QTMAN: variants seen among roughly 807,000 people sequenced by gnomAD.
The protein encoded by QTMAN is queuosine-tRNA mannosyltransferase, also known as tRNA-queuosine alpha-mannosyltransferase.
At chr2:144,241,692 T>C in the QTMAN span, among the ~76,000 whole-genome samples, 1 of 152,200 alleles carries the variant, frequency 6.6e-6, no homozygotes, top group Non-Finnish European at 1.5e-5. Flanking sequence ...TTTCTTTCTG[T>C]CCATCTTTCT....
At chr2:144,189,536 G>A in the QTMAN span, among the ~76,000 whole-genome samples, 23 of 152,226 alleles carry the variant, frequency 1.5e-4, no homozygotes, top group African/African-American at 5.5e-4. Flanking sequence ...CTGGGCAATT[G>A]GTCGCTTTTA....
chr2:144,097,602 T>C, the QTMAN span, among the ~76,000 whole-genome samples: 1 of 152,180 alleles, frequency 6.6e-6, no homozygotes, highest in East Asian at 1.9e-4. Context: ...CTTGATGTCA[T>C]ACACATGTGC....
At chr2:143,971,256 C>A in the QTMAN span, among the ~76,000 whole-genome samples, 2 of 151,920 alleles carry the variant, frequency 1.3e-5, no homozygotes, top group African/African-American at 2.4e-5. Flanking sequence ...TTTGTGCCCA[C>A]AAGGAACGCA....
At chr2:144,059,101 C>T in the QTMAN span, among the ~76,000 whole-genome samples, 6 of 152,332 alleles carry the variant, frequency 3.9e-5, no homozygotes, top group African/African-American at 1.4e-4. Flanking sequence ...CCCTCAGATT[C>T]TGGCCTCTGA....
chr2:144,145,661 A>G, the QTMAN span: 1 of 1,611,692 alleles, frequency 6.2e-7, no homozygotes, highest in Non-Finnish European at 8.5e-7. Context: ...GAAAATACAG[A>G]ATCTTTTTCA....
chr2:144,303,425 T>C, the QTMAN span, among the ~76,000 whole-genome samples: 2 of 152,132 alleles, frequency 1.3e-5, no homozygotes, highest in African/African-American at 4.8e-5. Context: ...CACTGAAAAC[T>C]GAAATTGGCC....
At chr2:144,062,639 C>T in the QTMAN span, among the ~76,000 whole-genome samples, 3 of 152,096 alleles carry the variant, frequency 2.0e-5, no homozygotes, top group African/African-American at 4.8e-5. Context: ...TCTATGAAAC[C>T]GAAATATAAA....
chr2:144,253,374 T>C, the QTMAN span, among the ~76,000 whole-genome samples: 5 of 152,184 alleles, frequency 3.3e-5, no homozygotes, highest in Non-Finnish European at 7.4e-5. Context: ...GCAGAAAATG[T>C]GGAAACGACT....
chr2:144,150,063 A>G, the QTMAN span, among the ~76,000 whole-genome samples: 4 of 152,026 alleles, frequency 2.6e-5, no homozygotes, highest in East Asian at 7.7e-4. Flanking sequence ...CTCTTGCCCC[A>G]TGAAATCTTT....
At chr2:143,949,114 G>A in the QTMAN span, among the ~76,000 whole-genome samples, 4 of 147,734 alleles carry the variant, frequency 2.7e-5, no homozygotes, top group South Asian at 2.1e-4. Context: ...CCAAGTGTAC[G>A]TGTGTGTGTG....
At chr2:143,963,403 G>T in the QTMAN span, among the ~76,000 whole-genome samples, 1 of 151,544 alleles carries the variant, frequency 6.6e-6, no homozygotes, top group African/African-American at 2.4e-5. Context: ...AAGTGTATTA[G>T]TAAATTGTGT....
chr2:144,316,504 T>C, the QTMAN span, among the ~76,000 whole-genome samples: 1 of 152,182 alleles, frequency 6.6e-6, no homozygotes, highest in Admixed American at 6.5e-5. Context: ...GGTGATCCAA[T>C]TCAGCTTATG....
chr2:143,996,088 C>T, the QTMAN span, among the ~76,000 whole-genome samples: 7 of 152,204 alleles, frequency 4.6e-5, no homozygotes, highest in South Asian at 4.1e-4. Flanking sequence ...AAGGTAGGTT[C>T]ACTACATTAA....
At chr2:144,015,189 C>A in the QTMAN span, among the ~76,000 whole-genome samples, 1 of 152,124 alleles carries the variant, frequency 6.6e-6, no homozygotes, top group Non-Finnish European at 1.5e-5. Flanking sequence ...CCAGAGCCAT[C>A]CTTGCTAACA....
At chr2:144,135,698 T>G in the QTMAN span, among the ~76,000 whole-genome samples, 1 of 152,186 alleles carries the variant, frequency 6.6e-6, no homozygotes, top group Non-Finnish European at 1.5e-5. Context: ...TGTTCTTTAC[T>G]GGTCAAAGTC....
At chr2:144,231,194 A>ATTCCCT in the QTMAN span, among the ~76,000 whole-genome samples, 2 of 152,172 alleles carry the variant, frequency 1.3e-5, no homozygotes, top group Non-Finnish European at 2.9e-5. Context: ...TTAAGGGAAG[A>ATTCCCT]TTACTCATTT....
the QTMAN span, among the ~76,000 whole-genome samples, chr2:144,326,866 G>A: frequency 2.6e-5 from 4 of 152,146 alleles, 1 homozygote; most frequent in South Asian, 4.1e-4. Flanking sequence ...CTTGAGGAAT[G>A]TGTAATAGAT....
chr2:144,332,892 T>G, the QTMAN span, among the ~76,000 whole-genome samples: 1 of 152,194 alleles, frequency 6.6e-6, no homozygotes. Flanking sequence ...TCTTTCCTTC[T>G]GGAAGGTCTG....
At chr2:143,946,718 A>G in the QTMAN span, 1 of 254,200 alleles carries the variant, frequency 3.9e-6, no homozygotes, top group African/African-American at 2.2e-5. Flanking sequence ...CGGAAATTCA[A>G]TGTGGCACCA....
Sources: gnomAD v4.1 joint callset for allele counts (sites outside exome capture counted in the v4.1 genomes callset) on GRCh38, gnomAD v4.1.1 for gene constraint, MANE v1.5 for transcripts, NCBI Gene and HGNC (gene_info 2026-07-23, HGNC 2026-07-21) for gene names.